The following PCLO variants were observed in gnomAD, a reference collection of about 807,000 sequenced individuals.
PCLO encodes the protein protein piccolo.
PCLO carries 82 observed loss-of-function variants against 427.5 expected under a neutral mutation model. The observed-to-expected ratio is 0.19, with a 90% CI of 0.16 to 0.23. The LOEUF (loss-of-function observed/expected upper bound fraction) is 0.23. PCLO is among the 10% of genes least tolerant of loss of function. The probability of loss-of-function intolerance (pLI) is 1.00; values close to 1 mark genes in which losing one functional copy is unlikely to be tolerated. For synonymous variants in PCLO, 2,357 were observed against 2,155.4 expected (o/e 1.09, Z -2.59); for missense variants, 6,239 against 6,115.9 (o/e 1.02, Z -0.67).
rs770097795 is a variant in PCLO at position 83,115,928 on chromosome 7, ATAAT to A, written c.3300+18318_3300+18321del. Among the ~76,000 whole-genome samples the A allele has an allele frequency of 8.4e-4, 127 of 151,976 alleles. 1 individual carries two copies. The highest frequency in any genetic ancestry group is 2.7e-3 in the African/African-American group (113 of 41,508). ...CAGAGAAATTTTTGTTTTAGATCTT[ATAAT>A]TAATACACACAAGCACACATATATA... On this transcript the variant is annotated intron_variant, in intron 3 of 24. Transcript: ENST00000333891.
chr7:82,854,204 C>T (rs577922765), intron 10 of PCLO, among the ~76,000 whole-genome samples: 3 of 152,168 alleles, frequency 2.0e-5, no homozygotes, highest in Non-Finnish European at 2.9e-5. Flanking sequence ...GTCCCCCTTA[C>T]TGAGTTTCTT....
chr7:82,900,721 G>A (rs1287376260), intron 9 of PCLO, among the ~76,000 whole-genome samples: 1 of 151,636 alleles, frequency 6.6e-6, no homozygotes, highest in African/African-American at 2.4e-5. Flanking sequence ...TAAATGGTGG[G>A]TTTGTGGAAA....
intron 3 of PCLO, among the ~76,000 whole-genome samples, chr7:83,087,826 T>C (rs974744578): frequency 2.0e-5 from 3 of 152,150 alleles, no homozygotes; most frequent in Non-Finnish European, 4.4e-5. Context: ...TTAATATAGT[T>C]TTGACATAAT....
chr7:83,114,182 C>A (rs1207661022), intron 3 of PCLO, among the ~76,000 whole-genome samples: 1 of 152,058 alleles, frequency 6.6e-6, no homozygotes, highest in Non-Finnish European at 1.5e-5. Flanking sequence ...GTATTGATTA[C>A]CTACCATGTG....
chr7:83,118,433 G>A (rs1454653286), intron 3 of PCLO, among the ~76,000 whole-genome samples: 1 of 152,058 alleles, frequency 6.6e-6, no homozygotes, highest in Non-Finnish European at 1.5e-5. Flanking sequence ...ATTAAGGAAA[G>A]AGGCACAGAA....
chr7:83,065,006 C>T (rs1227885847), intron 3 of PCLO, among the ~76,000 whole-genome samples: 1 of 150,274 alleles, frequency 6.7e-6, no homozygotes, highest in Non-Finnish European at 1.5e-5. Flanking sequence ...TCACTGGAAT[C>T]GTTTTGTGTA....
At chr7:83,000,183 A>C (rs909770958) in intron 3 of PCLO, among the ~76,000 whole-genome samples, 1 of 151,536 alleles carries the variant, frequency 6.6e-6, no homozygotes, top group African/African-American at 2.4e-5. Context: ...CCTTACTTAC[A>C]GAGGAATGAA....
chr7:83,135,604 T>A lies in PCLO; in HGVS notation c.1946A>T (p.Asp649Val), dbSNP rs531178043. The A allele has an allele frequency of 3.2e-5, 51 of 1,612,148 alleles. 1 individual carries two copies. The South Asian group carries it at 5.3e-4, about 17-fold the overall frequency. The change falls in exon 3 of 25, where the codon GAT (aspartate) becomes GTT (valine). Residue 649 changes from aspartate (D) to valine (V), a missense_variant. Asp to Val is a radical substitution (Grantham distance 152, BLOSUM62 -3). Coordinates refer to ENST00000333891, the MANE Select transcript of PCLO (RefSeq NM_033026.6). ...NCQMKRALGG[D>V]LAPVPSSPQP... The stretch of plus-strand genomic sequence containing the variant: ...GGGTGATGACGGAACTGGAGCCAGA[T>A]CCCCGCCTAGAGCTCTTTTCATTTG...
intron 20 of PCLO, among the ~76,000 whole-genome samples, chr7:82,812,738 T>C (rs1340514970): frequency 1.3e-5 from 2 of 151,584 alleles, no homozygotes; most frequent in African/African-American, 4.8e-5. Flanking sequence ...TGGGGGATCA[T>C]ATGTGAAAGA....
At chr7:83,055,777 G>A (rs114958518) in intron 3 of PCLO, among the ~76,000 whole-genome samples, 1,630 of 152,188 alleles carry the variant, frequency 0.011, 36 homozygotes, top group African/African-American at 0.037. Context: ...GTAAGGAAAA[G>A]CTATTAGGTA....
At chr7:83,005,703 A>T in intron 3 of PCLO, among the ~76,000 whole-genome samples, 1 of 151,646 alleles carries the variant, frequency 6.6e-6, no homozygotes, top group Admixed American at 6.6e-5. Flanking sequence ...TGAAAACATC[A>T]GGTTGTACAC....
intron 3 of PCLO, among the ~76,000 whole-genome samples, chr7:83,123,447 C>T (rs1791338440): frequency 6.6e-6 from 1 of 152,258 alleles, no homozygotes; most frequent in Non-Finnish European, 1.5e-5. Context: ...AACTAGATCC[C>T]TGTTTCTTAC....
At chr7:82,850,834 A>G (rs1792634906) in intron 10 of PCLO, among the ~76,000 whole-genome samples, 1 of 152,200 alleles carries the variant, frequency 6.6e-6, no homozygotes, top group Non-Finnish European at 1.5e-5. Flanking sequence ...TCTACTAGAA[A>G]ACAATTGGAA....
intron 9 of PCLO, among the ~76,000 whole-genome samples, chr7:82,887,357 T>G (rs1187552311): frequency 6.6e-6 from 1 of 152,210 alleles, no homozygotes; most frequent in Non-Finnish European, 1.5e-5. Flanking sequence ...ACTCCTTTAT[T>G]GAATCCCATT....
At chr7:82,766,598 AT>A (rs1227477414) in intron 22 of PCLO, among the ~76,000 whole-genome samples, 2 of 152,084 alleles carry the variant, frequency 1.3e-5, no homozygotes, top group Non-Finnish European at 2.9e-5. Flanking sequence ...GCAGTTGTGA[AT>A]AGAATTGATC....
chr7:82,902,195 G>A (rs1384093037), intron 9 of PCLO, among the ~76,000 whole-genome samples: 2 of 151,728 alleles, frequency 1.3e-5, no homozygotes, highest in Non-Finnish European at 2.9e-5. Flanking sequence ...AACAATGATA[G>A]ACTGGATTAA....
At chr7:82,958,294 CTCCTTCCTTCT>C (rs1337972827) in intron 4 of PCLO, among the ~76,000 whole-genome samples, 1 of 150,862 alleles carries the variant, frequency 6.6e-6, no homozygotes, top group Non-Finnish European at 1.5e-5. Context: ...TCCTTCCTTC[CTCCTTCCTTCT>C]TCCTTCCTTC....
chr7:83,053,588 C>A (rs139571830), intron 3 of PCLO, among the ~76,000 whole-genome samples: 1 of 151,988 alleles, frequency 6.6e-6, no homozygotes, highest in African/African-American at 2.4e-5. Flanking sequence ...CTTTGGTAAG[C>A]TCCCTTAAAC....
At position 82,761,321 on chromosome 7, in the gene PCLO, A is replaced by T. The variant is rs1790428145; in HGVS notation, c.15142+38T>A. On this transcript the variant is annotated intron_variant, in intron 23 of 24. Coordinates refer to ENST00000333891, the MANE Select transcript of PCLO (RefSeq NM_033026.6). ...AATATGTAAGACACATCCCTAAAAA[A>T]ATCTAGATATATTGATGATTATAAT... The T allele has an allele frequency of 4.9e-6, 6 of 1,218,496 alleles. No individual in the cohort carries two copies. In the Admixed American group the frequency reaches 1.3e-4, roughly 25 times the overall value. 75.5% of individuals were successfully genotyped at this position (1,218,496 alleles called of 1,614,324 possible).
Sources: gnomAD v4.1 joint callset for allele counts (sites outside exome capture counted in the v4.1 genomes callset) on GRCh38, gnomAD v4.1.1 for gene constraint, MANE v1.5 for transcripts, NCBI Gene and HGNC (gene_info 2026-07-23, HGNC 2026-07-21) for gene names.